ZNF385D: variants seen among roughly 807,000 people sequenced by gnomAD.
ZNF385D encodes zinc finger protein 659.
In ZNF385D, 15 loss-of-function variants were observed where a neutral mutation model predicts 35.8. The ratio of observed to expected loss-of-function variants is 0.42; its 90% CI spans 0.28 to 0.64. ZNF385D has a LOEUF of 0.64. ZNF385D is among the 30% of genes least tolerant of loss of function. The pLI, the probability that ZNF385D is intolerant of heterozygous loss-of-function variation, is 0.23. For missense variants in ZNF385D, 474 were observed against 494.6 expected (o/e 0.96, Z 0.39); for synonymous variants, 212 against 186.8 (o/e 1.13, Z -1.10).
chr3:21,981,662 C>T (rs1256448019), intron 3 of ZNF385D, among the ~76,000 whole-genome samples: 1 of 152,042 alleles, frequency 6.6e-6, no homozygotes, highest in Non-Finnish European at 1.5e-5. Flanking sequence ...GGTGGTATTG[C>T]CTAGATTGTC....
intron 3 of ZNF385D, among the ~76,000 whole-genome samples, chr3:21,770,266 C>A (rs924290692): frequency 6.6e-6 from 1 of 152,078 alleles, no homozygotes; most frequent in Non-Finnish European, 1.5e-5. Context: ...AGAGCTTCTG[C>A]ACAGCAAAAG....
At chr3:21,753,743 T>G (rs1048194719), upstream of ZNF385D, among the ~76,000 whole-genome samples, 2 of 142,174 alleles carry the variant, frequency 1.4e-5, no homozygotes, top group African/African-American at 5.4e-5. Flanking sequence ...TTGTATACAT[T>G]TATTAAAAAA....
chr3:21,845,751 T>C (rs1038171143), intron 3 of ZNF385D, among the ~76,000 whole-genome samples: 1 of 152,000 alleles, frequency 6.6e-6, no homozygotes, highest in African/African-American at 2.4e-5. Flanking sequence ...TTACTAGAAA[T>C]GCGATTTTCG....
intron 3 of ZNF385D, among the ~76,000 whole-genome samples, chr3:21,523,256 A>T (rs553120933): frequency 6.6e-6 from 1 of 152,336 alleles, no homozygotes; most frequent in East Asian, 1.9e-4. Flanking sequence ...TAAGAGCTAG[A>T]GCAGCTTAAC....
intron 3 of ZNF385D, among the ~76,000 whole-genome samples, chr3:22,118,537 C>T (rs554720741): frequency 2.0e-5 from 3 of 152,068 alleles, no homozygotes; most frequent in African/African-American, 7.2e-5. Flanking sequence ...AAAATGATTG[C>T]CCACATGTAA....
intron 3 of ZNF385D, among the ~76,000 whole-genome samples, chr3:22,110,826 T>C (rs1026293486): frequency 1.3e-5 from 2 of 151,684 alleles, no homozygotes; most frequent in Non-Finnish European, 2.9e-5. Context: ...AAACTATAAG[T>C]ACAGTGTGAT....
At chr3:22,077,830 T>C (rs1408673669) in intron 3 of ZNF385D, among the ~76,000 whole-genome samples, 2 of 151,878 alleles carry the variant, frequency 1.3e-5, no homozygotes, top group African/African-American at 2.4e-5. Context: ...AATAGGTGTG[T>C]TAGTGATAGG....
chr3:22,035,437 T>G (rs753157566), intron 3 of ZNF385D, among the ~76,000 whole-genome samples: 5 of 152,262 alleles, frequency 3.3e-5, no homozygotes, highest in Admixed American at 3.3e-4. Context: ...AATCCAATAC[T>G]TATCAGTTAA....
At chr3:21,765,916 T>A (rs991418082) in intron 3 of ZNF385D, among the ~76,000 whole-genome samples, 1 of 152,142 alleles carries the variant, frequency 6.6e-6, no homozygotes, top group Admixed American at 6.6e-5. Flanking sequence ...AGTAGTATCT[T>A]CTTTTACACC....
At chr3:22,020,390 A>G (rs113306794) in intron 3 of ZNF385D, among the ~76,000 whole-genome samples, 3 of 151,952 alleles carry the variant, frequency 2.0e-5, no homozygotes, top group Admixed American at 6.6e-5. Context: ...CATGGGGAAC[A>G]TAAGACAAGA....
At chr3:22,066,548 G>A (rs1413557381) in intron 3 of ZNF385D, among the ~76,000 whole-genome samples, 1 of 108,592 alleles carries the variant, frequency 9.2e-6, no homozygotes, top group Admixed American at 8.8e-5. Flanking sequence ...GTGTGTGTGT[G>A]TGTGTGTGTG....
chr3:21,648,465 T>C (rs1231857228), intron 2 of ZNF385D, among the ~76,000 whole-genome samples: 1 of 152,138 alleles, frequency 6.6e-6, no homozygotes, highest in Non-Finnish European at 1.5e-5. Context: ...TATAGAGTGC[T>C]AGGACATGTA....
chr3:22,225,120 G>C lies in ZNF385D; in HGVS notation c.107-56085C>G, dbSNP rs59013048. ...TGTCACACTTTTACACAAAATTCCTGACTTTATGTAGTGTTAATTTGCTCC... is the reference window on the plus strand; with the variant it reads ...TGTCACACTTTTACACAAAATTCCTCACTTTATGTAGTGTTAATTTGCTCC... On this transcript the variant is annotated intron_variant, in intron 2 of 5. Transcript: ENST00000494108. Among the ~76,000 whole-genome samples, 736 of 152,198 alleles carry C rather than the reference G, an allele frequency of 4.8e-3. 10 individuals are homozygous for C. The highest frequency in any genetic ancestry group is 0.017 in the African/African-American group (689 of 41,508).
rs867131248 is a variant in ZNF385D at position 21,984,882 on chromosome 3, G to A, written c.325+183935C>T. On this transcript the variant is annotated intron_variant, in intron 3 of 5. Coordinates refer to the ZNF385D transcript ENST00000494108. ...AGTTCTCCTTGAAGAGGTCCTTCAC[G>A]TCCCTTGTAAGTTGGATTCCTAGGT... Among the ~76,000 whole-genome samples the A allele has an allele frequency of 7.3e-3, 1,010 of 138,294 alleles. 12 individuals are homozygous for A. The highest frequency in any genetic ancestry group is 0.02 in the African/African-American group (805 of 39,444). 90.7% of individuals were successfully genotyped at this position (138,294 alleles called of 152,430 possible).
At chr3:21,823,434 C>A (rs1694401346) in intron 3 of ZNF385D, among the ~76,000 whole-genome samples, 1 of 131,146 alleles carries the variant, frequency 7.6e-6, no homozygotes, top group African/African-American at 3.0e-5. Flanking sequence ...GTAAGCCCCC[C>A]AAACACACAC....
intron 2 of ZNF385D, among the ~76,000 whole-genome samples, chr3:22,230,977 C>G (rs768353298): frequency 6.6e-6 from 1 of 152,052 alleles, no homozygotes; most frequent in Non-Finnish European, 1.5e-5. Flanking sequence ...CCCAGACTTC[C>G]CAGAAGGGCA....
intron 2 of ZNF385D, among the ~76,000 whole-genome samples, chr3:21,659,788 C>A (rs140681193): frequency 6.6e-6 from 1 of 152,050 alleles, no homozygotes; most frequent in Non-Finnish European, 1.5e-5. Context: ...TTTTTAAAAA[C>A]CCCACTGTCT....
intron 4 of ZNF385D, among the ~76,000 whole-genome samples, chr3:21,463,469 C>A (rs556483687): frequency 1.3e-5 from 2 of 152,250 alleles, no homozygotes; most frequent in Admixed American, 6.5e-5. Flanking sequence ...CAGAGCTCAG[C>A]GGTTGAGCCC....
intron 3 of ZNF385D, among the ~76,000 whole-genome samples, chr3:22,057,097 G>A (rs1386306457): frequency 1.3e-5 from 2 of 152,208 alleles, no homozygotes; most frequent in Non-Finnish European, 2.9e-5. Context: ...CATCTGATCA[G>A]TTGCTACGTG....
Sources: gnomAD v4.1 joint callset for allele counts (sites outside exome capture counted in the v4.1 genomes callset) on GRCh38, gnomAD v4.1.1 for gene constraint, MANE v1.5 for transcripts, NCBI Gene and HGNC (gene_info 2026-07-23, HGNC 2026-07-21) for gene names.